Variants in FTO observed in about 807,000 individuals in gnomAD.
FTO encodes FTO alpha-ketoglutarate dependent dioxygenase, also known as alpha-ketoglutarate-dependent dioxygenase FTO.
FTO carries 47 observed loss-of-function variants against 63.9 expected under a neutral mutation model. The observed-to-expected ratio is 0.74, with a 90% CI of 0.58 to 0.94. The LOEUF (loss-of-function observed/expected upper bound fraction) is 0.94, where lower values mean the gene tolerates loss of function less well. FTO is among the 40% of genes least tolerant of loss of function. The pLI, the probability that FTO is intolerant of heterozygous loss-of-function variation, is 0.00. For missense variants in FTO, 562 were observed against 618.1 expected (o/e 0.91, Z 0.96); for synonymous variants, 207 against 224.4 (o/e 0.92, Z 0.69).
chr16:53,936,240 A>C (rs144895836), intron 8 of FTO, among the ~76,000 whole-genome samples: 1 of 152,366 alleles, frequency 6.6e-6, no homozygotes, highest in East Asian at 1.9e-4. Context: ...GGAAAGAAAG[A>C]GCTTAACAGC....
chr16:54,056,039 CACTT>C (rs1337612549), intron 8 of FTO, among the ~76,000 whole-genome samples: 1 of 152,220 alleles, frequency 6.6e-6, no homozygotes, highest in Non-Finnish European at 1.5e-5. Context: ...GGCTCATCCT[CACTT>C]ACAATAGAGC....
Position 53,828,324 on chromosome 16 carries a change from A to G in FTO, c.751+1833A>G, listed in dbSNP as rs527582332. Among the ~76,000 whole-genome samples the G allele has an allele frequency of 5.4e-4, 82 of 152,134 alleles. 2 individuals carry two copies. In the South Asian group the frequency reaches 0.011, roughly 21 times the overall value. The stretch of plus-strand genomic sequence containing the variant: ...AAGCTCCGCCTCCCAGGTTCACGCC[A>G]TTCTTCTGCCTCAGCCTCCCAAGTA... On this transcript the variant is annotated intron_variant, in intron 3 of 8. Transcript: ENST00000471389.
At chr16:53,805,800 T>G (rs1278534607) in intron 1 of FTO, among the ~76,000 whole-genome samples, 2 of 152,130 alleles carry the variant, frequency 1.3e-5, no homozygotes, top group Non-Finnish European at 2.9e-5. Context: ...GCTAGAGCTG[T>G]GGAAATGGGT....
intron 1 of FTO, among the ~76,000 whole-genome samples, chr16:53,760,846 G>C (rs8055259): frequency 0.73 from 110,464 of 151,104 alleles, 41,452 homozygotes; most frequent in African/African-American, 0.91. Context: ...AGGCTGGTCT[G>C]AAACTCCTGA....
At chr16:53,717,693 C>T (rs1297934951) in intron 1 of FTO, among the ~76,000 whole-genome samples, 37 of 151,710 alleles carry the variant, frequency 2.4e-4, no homozygotes, top group Admixed American at 2.4e-3. Context: ...ATGTTTTTTT[C>T]ATGTAATTGT....
At chr16:53,924,552 C>G (rs560746514) in intron 7 of FTO, among the ~76,000 whole-genome samples, 2 of 151,868 alleles carry the variant, frequency 1.3e-5, no homozygotes, top group East Asian at 3.9e-4. Flanking sequence ...TTTGTGCCTT[C>G]CTTTCAAGAC....
At chr16:53,766,065 T>G (rs9930333) in intron 1 of FTO, among the ~76,000 whole-genome samples, 63,219 of 151,766 alleles carry the variant, frequency 0.42, 13,378 homozygotes, top group Non-Finnish European at 0.44. Flanking sequence ...CTTGGCCCAG[T>G]TGGTGACTGT....
At chr16:53,932,933 T>C (rs1352232581) in intron 7 of FTO, among the ~76,000 whole-genome samples, 1 of 152,156 alleles carries the variant, frequency 6.6e-6, no homozygotes, top group Non-Finnish European at 1.5e-5. Flanking sequence ...ACATCCTTCA[T>C]AGGGGAAGAT....
At chr16:53,818,956 C>T (rs1203069590) in intron 2 of FTO, among the ~76,000 whole-genome samples, 1 of 152,090 alleles carries the variant, frequency 6.6e-6, no homozygotes. Flanking sequence ...AGTAGAATAA[C>T]TGCATGAAAA....
At chr16:53,925,791 CTG>C (rs1328582243) in intron 7 of FTO, among the ~76,000 whole-genome samples, 1 of 152,192 alleles carries the variant, frequency 6.6e-6, no homozygotes, top group East Asian at 1.9e-4. Flanking sequence ...AAGTTACTGA[CTG>C]TAGCAATATG....
intron 8 of FTO, chr16:53,999,556 G>A (rs1305713502): frequency 6.6e-6 from 1 of 152,214 alleles, no homozygotes; most frequent in African/African-American, 2.4e-5. Flanking sequence ...ACTTAAAATG[G>A]TGGGTTTCTC....
At chr16:53,884,755 T>C (rs1252503405) in intron 6 of FTO, among the ~76,000 whole-genome samples, 1 of 152,242 alleles carries the variant, frequency 6.6e-6, no homozygotes, top group Non-Finnish European at 1.5e-5. Flanking sequence ...TCCAGATATG[T>C]GGGTTGATTC....
At chr16:53,929,695 A>T (rs189369538) in intron 7 of FTO, among the ~76,000 whole-genome samples, 3 of 152,316 alleles carry the variant, frequency 2.0e-5, no homozygotes, top group Admixed American at 2.0e-4. Flanking sequence ...GCTATTTTAG[A>T]TGCTCTTGGG....
intron 8 of FTO, among the ~76,000 whole-genome samples, chr16:54,060,276 C>A (rs2085539018): frequency 6.6e-6 from 1 of 152,174 alleles, no homozygotes. Flanking sequence ...ACTCTGGGTT[C>A]AACCGAAAGA....
At chr16:53,820,782 T>A (rs552723493) in intron 2 of FTO, among the ~76,000 whole-genome samples, 1 of 152,036 alleles carries the variant, frequency 6.6e-6, no homozygotes, top group East Asian at 1.9e-4. Context: ...TCCAGTTTCA[T>A]CCATGTCCAG....
chr16:54,066,150 G>C (rs1599306837), intron 8 of FTO, among the ~76,000 whole-genome samples: 1 of 152,192 alleles, frequency 6.6e-6, no homozygotes, highest in African/African-American at 2.4e-5. Flanking sequence ...TGAGTGTTGG[G>C]ACCGGGATTC....
intron 4 of FTO, among the ~76,000 whole-genome samples, chr16:53,853,924 T>G (rs1299798849): frequency 6.6e-6 from 1 of 152,190 alleles, no homozygotes; most frequent in Admixed American, 6.5e-5. Context: ...TTGTAGTAAT[T>G]TACATTTCCA....
intron 2 of FTO, among the ~76,000 whole-genome samples, chr16:53,813,218 T>C (rs937448550): frequency 1.4e-4 from 18 of 125,686 alleles, no homozygotes; most frequent in African/African-American, 7.1e-4. Flanking sequence ...TTTCTTTTCT[T>C]TTTTTTTTTT....
intron 3 of FTO, among the ~76,000 whole-genome samples, chr16:53,840,249 C>G (rs551070348): frequency 6.6e-6 from 1 of 151,826 alleles, no homozygotes; most frequent in African/African-American, 2.4e-5. Context: ...TTAGTGCCCC[C>G]CTAGAATGAA....
Sources: allele counts gnomAD v4.1 joint callset (sites outside exome capture counted in the v4.1 genomes callset), GRCh38; gene constraint gnomAD v4.1.1; transcripts MANE v1.5; gene names NCBI Gene and HGNC (gene_info 2026-07-23, HGNC 2026-07-21).